The following STRN variants were observed in gnomAD, a reference collection of about 807,000 sequenced individuals.
STRN encodes protein phosphatase 2 regulatory subunit B'''alpha.
STRN carries 53 observed loss-of-function variants against 96.3 expected under a neutral mutation model. The ratio of observed to expected loss-of-function variants is 0.55; its 90% CI spans 0.44 to 0.69. The LOEUF is 0.69. STRN is among the 30% of genes least tolerant of loss of function. The probability of loss-of-function intolerance (pLI) is 0.00; values close to 1 mark genes in which losing one functional copy is unlikely to be tolerated. For missense variants in STRN, 987 were observed against 963.9 expected (o/e 1.02, Z -0.32); for synonymous variants, 428 against 355.9 (o/e 1.20, Z -2.28).
chr2:36,880,650 T>C (rs758025014), intron 9 of STRN, among the ~76,000 whole-genome samples: 2 of 152,172 alleles, frequency 1.3e-5, no homozygotes, highest in Non-Finnish European at 2.9e-5. Flanking sequence ...AGAATAGGAA[T>C]TGTTGAAGTT....
chr2:36,897,117 A>G (rs972693442), intron 6 of STRN, among the ~76,000 whole-genome samples: 7 of 151,902 alleles, frequency 4.6e-5, no homozygotes, highest in Non-Finnish European at 4.4e-5. Flanking sequence ...CAGTCAGCTG[A>G]GATTACACCA....
chr2:36,884,490 G>T (rs1169330209), intron 8 of STRN, among the ~76,000 whole-genome samples: 1 of 152,098 alleles, frequency 6.6e-6, no homozygotes, highest in Non-Finnish European at 1.5e-5. Flanking sequence ...GGTACCCGAG[G>T]TGAAGTCTCA....
At chr2:36,926,488 G>T (rs1670414579) in intron 1 of STRN, among the ~76,000 whole-genome samples, 1 of 152,178 alleles carries the variant, frequency 6.6e-6, no homozygotes, top group Admixed American at 6.5e-5. Context: ...ATTTAAGGAT[G>T]ACCTTGCCAC....
At chr2:36,898,961 T>C (rs1372483221) in intron 6 of STRN, among the ~76,000 whole-genome samples, 1 of 151,132 alleles carries the variant, frequency 6.6e-6, no homozygotes, top group Non-Finnish European at 1.5e-5. Context: ...GAGAAGAAAA[T>C]GGAGAAGGGA....
chr2:36,900,551 T>C (rs1244382158), intron 5 of STRN, among the ~76,000 whole-genome samples: 1 of 152,200 alleles, frequency 6.6e-6, no homozygotes, highest in Non-Finnish European at 1.5e-5. Context: ...TAGAAATAGT[T>C]GAATTTTCAA....
In STRN at chr2:36,881,091, T is replaced by C. The variant is rs1669056991; in HGVS notation, c.1186+2841A>G. Among the ~76,000 whole-genome samples the C allele has an allele frequency of 2.1e-5, 3 of 145,850 alleles. No homozygotes were observed. The South Asian group carries it at 6.7e-4, about 33-fold the overall frequency. ...CAAAAAACAAAACAAAACAAAACCC[T>C]GTGCCTTTTAAATGTGACACTGCCT... On this transcript the variant is annotated intron_variant, in intron 9 of 17. Coordinates refer to ENST00000263918, the MANE Select transcript of STRN (RefSeq NM_003162.4).
chr2:36,863,491 C>G (rs546656186), intron 12 of STRN, among the ~76,000 whole-genome samples: 1 of 152,124 alleles, frequency 6.6e-6, no homozygotes, highest in African/African-American at 2.4e-5. Flanking sequence ...AAGTGTGCAG[C>G]TTTATTTCTG....
rs1668075326 is a variant in STRN, at chr2:36,846,390, TATATATATATA to T, written c.*3055_*3065del. On this transcript the variant is annotated 3_prime_UTR_variant, in exon 18 of 18. Transcript: ENST00000263918. ...AACAGTAAAATGCACCTATGGTTTATATATATATATATATATATATATATATATATATATAT... is the reference window on the plus strand; with the variant it reads ...AACAGTAAAATGCACCTATGGTTTATTATATATATATATATATATATATAT... The T allele has an allele frequency of 1.0e-3, 27 of 26,382 alleles. No homozygotes were observed. The highest frequency in any genetic ancestry group is 1.3e-3 in the Non-Finnish European group (11 of 8,222). The allele number at this position is 26,382 out of a possible 1,614,324, so 1.6% of individuals were successfully genotyped here.
chr2:36,868,540 C>T (rs1378205041), intron 11 of STRN, among the ~76,000 whole-genome samples: 2 of 152,186 alleles, frequency 1.3e-5, no homozygotes, highest in Non-Finnish European at 2.9e-5. Flanking sequence ...CTGTTTTCTA[C>T]ACTGTATCGC....
At chr2:36,908,584 A>G (rs1421531625) in intron 3 of STRN, among the ~76,000 whole-genome samples, 3 of 152,178 alleles carry the variant, frequency 2.0e-5, no homozygotes, top group Non-Finnish European at 2.9e-5. Context: ...TGATATGTAA[A>G]TTATATCTTA....
At chr2:36,892,005 G>T (rs889999654) in intron 7 of STRN, among the ~76,000 whole-genome samples, 14 of 152,092 alleles carry the variant, frequency 9.2e-5, no homozygotes, top group Admixed American at 2.6e-4. Context: ...TCTGATGTGT[G>T]TAACTAAAAA....
At chr2:36,920,426 G>A (rs1572675201) in intron 2 of STRN, among the ~76,000 whole-genome samples, 2 of 151,582 alleles carry the variant, frequency 1.3e-5, no homozygotes, top group East Asian at 3.9e-4. Flanking sequence ...ATCACCTGAG[G>A]TTGGGAGTTC....
chr2:36,926,928 A>T (rs1438605853), intron 1 of STRN, among the ~76,000 whole-genome samples: 3 of 152,222 alleles, frequency 2.0e-5, no homozygotes, highest in East Asian at 3.9e-4. Context: ...ATGACAGCCC[A>T]ACTTGTCATT....
At chr2:36,924,705 G>C (rs1339090109) in intron 2 of STRN, among the ~76,000 whole-genome samples, 2 of 152,258 alleles carry the variant, frequency 1.3e-5, no homozygotes, top group South Asian at 2.1e-4. Flanking sequence ...AACTCAAGGA[G>C]TATGAACATT....
intron 1 of STRN, among the ~76,000 whole-genome samples, chr2:36,935,692 G>A (rs1670683971): frequency 6.6e-6 from 1 of 152,092 alleles, no homozygotes; most frequent in South Asian, 2.1e-4. Flanking sequence ...GAGGACAACA[G>A]CTAAATAAAA....
chr2:36,965,909 T>C (rs1044204725), intron 1 of STRN, among the ~76,000 whole-genome samples: 11 of 152,032 alleles, frequency 7.2e-5, no homozygotes, highest in African/African-American at 2.7e-4. Flanking sequence ...CCAGCCCAAT[T>C]AGTAAACCGA....
chr2:36,851,110 A>G lies in STRN; in HGVS notation c.1979-3T>C, dbSNP rs1341112777. 1.2e-6 allele frequency: 2 copies of G among 1,604,878 alleles called. No individual in the cohort carries two copies. Among genetic ancestry groups the G allele is most frequent in the African/African-American group, 1.3e-5 (1 of 74,414 alleles). ...TATTTGGCAGGAAGAGTTGGCTGCT[A>G]AAAAGAAAAAATTAAAAAGCAACAC... On this transcript the variant is annotated splice_region_variant and splice_polypyrimidine_tract_variant and intron_variant, in intron 15 of 17. Coordinates refer to ENST00000263918, the MANE Select transcript of STRN (RefSeq NM_003162.4).
intron 4 of STRN, chr2:36,903,042 C>T (rs1374953600): frequency 5.5e-6 from 1 of 182,772 alleles, no homozygotes; most frequent in Non-Finnish European, 1.1e-5. Context: ...ACATTCTTTT[C>T]TTTAGGCTGG....
intron 6 of STRN, among the ~76,000 whole-genome samples, chr2:36,897,864 T>A (rs1389807198): frequency 3.3e-5 from 5 of 150,648 alleles, no homozygotes; most frequent in Admixed American, 2.0e-4. Context: ...TAAAAAAAAA[T>A]TTTTTTTTTA....
Sources: gnomAD v4.1 joint callset for allele counts (sites outside exome capture counted in the v4.1 genomes callset) on GRCh38, gnomAD v4.1.1 for gene constraint, MANE v1.5 for transcripts, NCBI Gene and HGNC (gene_info 2026-07-23, HGNC 2026-07-21) for gene names.